The following DMD variants were observed in gnomAD, a reference collection of about 807,000 sequenced individuals.
The protein encoded by DMD is mutant dystrophin.
Under a neutral mutation model 330.1 loss-of-function variants are expected in DMD, and 63 were observed. The observed-to-expected ratio is 0.19, with a 90% CI of 0.16 to 0.24. DMD has a LOEUF of 0.24. DMD is among the 10% of genes least tolerant of loss of function. The pLI is 1.00. For missense variants in DMD, 3,344 were observed against 2,684.1 expected (o/e 1.25, Z -5.43); for synonymous variants, 1,223 against 959.8 (o/e 1.27, Z -5.07).
intron 48 of DMD, among the ~76,000 whole-genome samples, chrX:31,855,482 A>C (rs1326005994): frequency 8.9e-6 from 1 of 112,444 alleles, no homozygotes; most frequent in East Asian, 2.8e-4. Flanking sequence ...ATTATTAAAC[A>C]CTAGAAGTTG....
At chrX:32,456,976 A>G (rs927974963) in intron 25 of DMD, among the ~76,000 whole-genome samples, 25 of 106,454 alleles carry the variant, frequency 2.3e-4, no homozygotes, top group African/African-American at 8.1e-4. Flanking sequence ...AAAAAAAAAA[A>G]AACTTACAGC....
chrX:32,340,844 G>T (rs975744120), intron 41 of DMD, among the ~76,000 whole-genome samples: 11 of 111,674 alleles, frequency 9.9e-5, no homozygotes, highest in African/African-American at 3.6e-4. Context: ...GAAACATTCA[G>T]CCAGGTGGAA....
rs185247491 is a variant in DMD at position 31,209,557 on chromosome X, C to G, written c.9504G>C (p.Leu3168Phe). The G allele has an allele frequency of 1.2e-5, 14 of 1,209,426 alleles. No homozygotes were observed. In the African/African-American group the frequency reaches 2.5e-4, roughly 21 times the overall value. ...TATCCACGCAGAGAGGGACGTTGAC[C>G]AAATTGTTGTGCTCTTGCTCCAGGC... is the stretch of plus-strand genomic sequence containing the variant. ...YDRLEQEHNN[L>F]VNVPLCVDMC... The change falls in exon 65 of 79, where the codon TTG (leucine) becomes TTC (phenylalanine). Residue 3168 changes from leucine to phenylalanine, a missense_variant. Physicochemically the swap from Leu to Phe is conservative, Grantham distance 22. Coordinates refer to ENST00000357033, the MANE Select transcript of DMD (RefSeq NM_004006.3).
intron 49 of DMD, among the ~76,000 whole-genome samples, chrX:31,828,807 A>C (rs770205708): frequency 9.0e-6 from 1 of 111,685 alleles, no homozygotes; most frequent in South Asian, 3.8e-4. Context: ...TCAAAGAAGA[A>C]TTGGTACCAA....
chrX:32,990,382 T>A (rs2092943273), intron 2 of DMD, among the ~76,000 whole-genome samples: 1 of 111,622 alleles, frequency 9.0e-6, no homozygotes, highest in African/African-American at 3.3e-5. Context: ...ATCAACTGAG[T>A]GCAGTGTAAT....
intron 1 of DMD, among the ~76,000 whole-genome samples, chrX:33,136,179 G>A (rs1172861758): frequency 1.9e-5 from 2 of 104,632 alleles, no homozygotes; most frequent in African/African-American, 7.0e-5. Context: ...AATCAGCCAG[G>A]CGTGGTGGCA....
chrX:32,690,394 C>T (rs1237084759), intron 9 of DMD, among the ~76,000 whole-genome samples: 6 of 111,026 alleles, frequency 5.4e-5, no homozygotes, highest in Non-Finnish European at 7.6e-5. Flanking sequence ...ATTCATGGAT[C>T]GAAGGACTTA....
At chrX:32,547,068 T>C (rs1302948929) in intron 16 of DMD, among the ~76,000 whole-genome samples, 2 of 111,497 alleles carry the variant, frequency 1.8e-5, no homozygotes, top group Non-Finnish European at 3.8e-5. Context: ...TTTTTTTATT[T>C]GAATATTTTT....
Position 32,029,852 on chromosome X carries a change from C to A in DMD, c.6439-61338G>T, listed in dbSNP as rs1007480046. On this transcript the variant is annotated intron_variant, in intron 44 of 78. Coordinates refer to ENST00000357033, the MANE Select transcript of DMD (RefSeq NM_004006.3). Reference sequence around the variant, plus strand: ...TGTAATATTCTCCGGTAACCTTTCCCCCATTACAAATAATCACATTGACAT... The same window carrying A: ...TGTAATATTCTCCGGTAACCTTTCCACCATTACAAATAATCACATTGACAT... Among the ~76,000 whole-genome samples the A allele has an allele frequency of 2.7e-5, 3 of 111,575 alleles. No individual in the cohort carries two copies. The South Asian group carries it at 1.1e-3, about 41-fold the overall frequency.
chrX:32,135,441 G>T (rs2096719869), intron 44 of DMD, among the ~76,000 whole-genome samples: 1 of 112,606 alleles, frequency 8.9e-6, no homozygotes, highest in Non-Finnish European at 1.9e-5. Context: ...TTTAATGGTG[G>T]TTCACAGGGG....
At chrX:32,680,534 T>C (rs1248467558) in intron 9 of DMD, among the ~76,000 whole-genome samples, 1 of 111,516 alleles carries the variant, frequency 9.0e-6, no homozygotes, top group African/African-American at 3.3e-5. Context: ...AAATCTCCAA[T>C]AATTCTTATG....
intron 60 of DMD, among the ~76,000 whole-genome samples, chrX:31,420,840 C>T (rs1034973545): frequency 2.7e-5 from 3 of 112,049 alleles, no homozygotes; most frequent in Non-Finnish European, 3.8e-5. Flanking sequence ...TGTCCTTGCC[C>T]GGCAGTCATG....
chrX:32,840,986 T>A (rs2080111010), intron 4 of DMD, among the ~76,000 whole-genome samples: 1 of 112,036 alleles, frequency 8.9e-6, no homozygotes, highest in Admixed American at 9.5e-5. Context: ...ACTCTTTAAT[T>A]AGTTGCCTGA....
At position 31,261,114 on chromosome X, in the gene DMD, C is replaced by A. The variant is rs780116607; in HGVS notation, c.9225-98G>T. ...AACAATAACAACAACATGATTTTTG[C>A]TTTTGAACCATTCGGAATCTTTATT... On this transcript the variant is annotated intron_variant, in intron 62 of 78. Transcript: ENST00000357033. 180 of 766,742 alleles carry A rather than the reference C, an allele frequency of 2.3e-4. No individual in the cohort carries two copies. The African/African-American group carries it at 3.5e-3, about 15-fold the overall frequency. 63.2% of individuals were successfully genotyped at this position (766,742 alleles called of 1,213,427 possible). A position where few individuals can be genotyped will look rare whatever the true frequency, so the allele number is the denominator to read the frequency against.
chrX:32,386,138 G>A (rs1189400662), intron 33 of DMD, among the ~76,000 whole-genome samples, 172 bp downstream of exon 33: 2 of 109,780 alleles, frequency 1.8e-5, no homozygotes, highest in African/African-American at 6.6e-5. Context: ...GTGTATATGT[G>A]TACATATATA....
At chrX:31,619,813 G>A (rs2078425625) in intron 55 of DMD, among the ~76,000 whole-genome samples, 1 of 112,000 alleles carries the variant, frequency 8.9e-6, no homozygotes, top group Non-Finnish European at 1.9e-5. Flanking sequence ...CAATTAACAT[G>A]TTTACGTATG....
intron 12 of DMD, among the ~76,000 whole-genome samples, chrX:32,611,793 G>T (rs17243659): frequency 0.057 from 6,365 of 111,835 alleles, 157 homozygotes; most frequent in African/African-American, 0.079. Flanking sequence ...TCAGTGTTAC[G>T]TGGCCTAATC....
chrX:32,967,020 C>A (rs1295862139), intron 2 of DMD, among the ~76,000 whole-genome samples: 1 of 111,794 alleles, frequency 8.9e-6, no homozygotes, highest in Non-Finnish European at 1.9e-5. Flanking sequence ...CAATAAAATT[C>A]ATGAATTCTT....
chrX:31,420,052 T>C (rs1042276994), intron 60 of DMD, among the ~76,000 whole-genome samples: 1 of 112,564 alleles, frequency 8.9e-6, no homozygotes, highest in African/African-American at 3.2e-5. Flanking sequence ...TTATTTATCT[T>C]CTTTTTGACT....
Sources: gnomAD v4.1 joint callset for allele counts (sites outside exome capture counted in the v4.1 genomes callset) on GRCh38, gnomAD v4.1.1 for gene constraint, MANE v1.5 for transcripts, NCBI Gene and HGNC (gene_info 2026-07-23, HGNC 2026-07-21) for gene names.